The following SLC17A2 variants were observed in gnomAD, a reference collection of about 807,000 sequenced individuals.
SLC17A2 encodes the protein solute carrier family 17 member 2.
Under a neutral mutation model 52.1 loss-of-function variants are expected in SLC17A2, and 38 were observed. The observed-to-expected ratio is 0.73, with a 90% CI of 0.56 to 0.96. SLC17A2 has a LOEUF of 0.96. SLC17A2 is among the 40% of genes least tolerant of loss of function. The probability of loss-of-function intolerance (pLI) is 0.00; values close to 1 mark genes in which losing one functional copy is unlikely to be tolerated. For missense variants in SLC17A2, 508 were observed against 583.9 expected (o/e 0.87, Z 1.34); for synonymous variants, 226 against 211.9 (o/e 1.07, Z -0.58).
At chr6:25,925,510 CAA>C (rs71763063) in intron 2 of SLC17A2, among the ~76,000 whole-genome samples, 1,134 of 95,798 alleles carry the variant, frequency 0.012, 5 homozygotes, top group Middle Eastern at 0.047. Context: ...AAGACTCAGT[CAA>C]AAAAAAAAAA....
intron 1 of SLC17A2, among the ~76,000 whole-genome samples, chr6:25,926,219 G>A (rs1766758505): frequency 6.6e-6 from 1 of 152,094 alleles, no homozygotes; most frequent in African/African-American, 2.4e-5. Context: ...GGTGAAGAGT[G>A]GTATTGCTTG....
intron 2 of SLC17A2, among the ~76,000 whole-genome samples, chr6:25,924,469 C>G (rs1766679434): frequency 6.6e-6 from 1 of 151,468 alleles, no homozygotes; most frequent in Non-Finnish European, 1.5e-5. Flanking sequence ...AATGTTATTG[C>G]TATGTGTCAC....
intron 10 of SLC17A2, among the ~76,000 whole-genome samples, chr6:25,914,907 G>A (rs897564442): frequency 3.3e-5 from 5 of 151,504 alleles, no homozygotes; most frequent in African/African-American, 9.7e-5. Flanking sequence ...TCTTTACCCC[G>A]GCTGCTCAGT....
chr6:25,914,347 G>A (rs868324542), intron 11 of SLC17A2, among the ~76,000 whole-genome samples: 1 of 152,100 alleles, frequency 6.6e-6, no homozygotes, highest in African/African-American at 2.4e-5. Context: ...GAAGTCACAC[G>A]TGCTGTCTTC....
chr6:25,916,643 T>C (rs368911118), intron 8 of SLC17A2, 42 bp downstream of exon 8: 14 of 1,525,812 alleles, frequency 9.2e-6, no homozygotes, highest in Non-Finnish European at 1.1e-5. Context: ...TTTCTCCTTA[T>C]TACCATTATC....
chr6:25,923,610 T>G (rs1395661994), intron 3 of SLC17A2, 85 bp downstream of exon 3: 1 of 1,022,426 alleles, frequency 9.8e-7, no homozygotes, highest in East Asian at 2.4e-5. Context: ...AAATGTATAC[T>G]TCCATACTCC....
intron 11 of SLC17A2, among the ~76,000 whole-genome samples, chr6:25,914,081 A>G (rs1766207471): frequency 6.6e-6 from 1 of 152,084 alleles, no homozygotes; most frequent in Non-Finnish European, 1.5e-5. Flanking sequence ...CATCTTCCTC[A>G]TGAGCCTGCA....
chr6:25,917,193 T>C, intron 6 of SLC17A2, 106 bp from the exon 7 acceptor site: 1 of 775,162 alleles, frequency 1.3e-6, no homozygotes, highest in Non-Finnish European at 2.3e-6. Flanking sequence ...AATCAATTAA[T>C]GCTTATTCTA....
intron 11 of SLC17A2, 130 bp from the exon 12 acceptor site, chr6:25,913,581 A>T: frequency 2.3e-6 from 2 of 852,586 alleles, no homozygotes; most frequent in East Asian, 5.4e-5. Context: ...GTAGTTACTT[A>T]AGAAAGTTTA....
At chr6:25,922,821 T>G (rs773472579) in intron 3 of SLC17A2, among the ~76,000 whole-genome samples, 4 of 152,050 alleles carry the variant, frequency 2.6e-5, no homozygotes, top group Non-Finnish European at 4.4e-5. Flanking sequence ...AGGAAGTAAG[T>G]AAGATGTTAT....
Position 25,915,544 on chromosome 6 carries a change from A to T in SLC17A2, c.1166T>A (p.Leu389Gln). The change falls in exon 10 of 12, where the codon CTA becomes CAA. Residue 389 changes from leucine (L) to glutamine (Q), a missense_variant. Transcript: ENST00000377850. ...GTTGATGATAAACCCTGAGTCACAT[A>T]GGTTACTGGTCCCAGGAATAAGTAT... ...LLILIPGTSN[L>Q]CDSGFIINTL... 1 of 1,577,376 alleles carries T rather than the reference A, an allele frequency of 6.3e-7. No homozygotes were observed. The highest frequency in any genetic ancestry group is 8.6e-7 in the Non-Finnish European group (1 of 1,161,712).
chr6:25,925,858 T>A lies in SLC17A2; in HGVS notation c.-62A>T. On this transcript the variant is annotated 5_prime_UTR_variant, in exon 2 of 12. In the 5' UTR this introduces an upstream ATG that the reference lacks. Transcript: ENST00000377850. ...GGAGTTTCCCTGTGCCCTGAATCTC[T>A]TTTACTACGACAGTCTTTTATCTAT... The A allele has an allele frequency of 6.7e-7, 1 of 1,493,120 alleles. No homozygotes were observed. Among genetic ancestry groups the A allele is most frequent in the Non-Finnish European group, 9.3e-7 (1 of 1,069,626 alleles). The allele number at this position is 1,493,120 out of a possible 1,614,324, so 92.5% of individuals were successfully genotyped here. A position where few individuals can be genotyped will look rare whatever the true frequency, so the allele number is the denominator to read the frequency against.
At position 25,915,559 on chromosome 6, in the gene SLC17A2, G is replaced by A. The variant is rs769266804; in HGVS notation, c.1151C>T (p.Pro384Leu). The change falls in exon 10 of 12, where the codon CCT (proline) becomes CTT (leucine). Residue 384 changes from proline (P) to leucine (L), a missense_variant. By Grantham distance (98) the Pro-to-Leu change is moderately conservative. Coordinates refer to ENST00000377850, the MANE Select transcript of SLC17A2 (RefSeq NM_001286123.3). ...TGAGTCACATAGGTTACTGGTCCCAGGAATAAGTATCAGCAAAATAATGGT... is the reference window on the plus strand; with the variant it reads ...TGAGTCACATAGGTTACTGGTCCCAAGAATAAGTATCAGCAAAATAATGGT... ...VITIILLILIPGTSNLCDSGF... is the reference protein window; with the variant it reads ...VITIILLILILGTSNLCDSGF... 14 of 1,595,246 alleles carry A rather than the reference G, an allele frequency of 8.8e-6. No individual in the cohort carries two copies. Among genetic ancestry groups the A allele is most frequent in the Non-Finnish European group, 1.2e-5 (14 of 1,170,880 alleles).
chr6:25,915,177 A>ATATATG lies in SLC17A2; in HGVS notation c.1211+321_1211+322insCATATA, dbSNP rs1554137783. ...TATATATATATATATATATATATAT[A>ATATATG]TGGTAGCTAATATGAACAACACCAT... On this transcript the variant is annotated intron_variant, in intron 10 of 11. Coordinates refer to ENST00000377850, the MANE Select transcript of SLC17A2 (RefSeq NM_001286123.3). Among the ~76,000 whole-genome samples, 105 of 108,094 alleles carry ATATATG rather than the reference A, an allele frequency of 9.7e-4. 10 individuals are homozygous for ATATATG. Among genetic ancestry groups the ATATATG allele is most frequent in the Middle Eastern group, 4.3e-3 (1 of 234 alleles). 70.9% of individuals were successfully genotyped at this position (108,094 alleles called of 152,430 possible).
chr6:25,923,093 A>G (rs1042422736), intron 3 of SLC17A2, among the ~76,000 whole-genome samples: 3 of 152,128 alleles, frequency 2.0e-5, no homozygotes, highest in Admixed American at 2.0e-4. Context: ...AGGCCGAGAC[A>G]GGAAAATCTC....
At chr6:25,926,823 T>C (rs1247737090) in intron 1 of SLC17A2, among the ~76,000 whole-genome samples, 1 of 152,146 alleles carries the variant, frequency 6.6e-6, no homozygotes, top group Non-Finnish European at 1.5e-5. Flanking sequence ...TCCCAGCACT[T>C]TGGGAGACTG....
At chr6:25,929,664 T>G (rs1451409315) in intron 1 of SLC17A2, among the ~76,000 whole-genome samples, 2 of 152,128 alleles carry the variant, frequency 1.3e-5, no homozygotes, top group Admixed American at 6.5e-5. Context: ...TTCTGAGAAA[T>G]TGGTGCTGAC....
At chr6:25,929,799 T>TTTA (rs777093885) in intron 1 of SLC17A2, among the ~76,000 whole-genome samples, 1 of 152,048 alleles carries the variant, frequency 6.6e-6, no homozygotes, top group African/African-American at 2.4e-5. Flanking sequence ...CTCCTTTTCT[T>TTTA]TTATTATTAT....
intron 1 of SLC17A2, among the ~76,000 whole-genome samples, chr6:25,927,532 C>G (rs1766809424): frequency 6.6e-6 from 1 of 152,130 alleles, no homozygotes; most frequent in Admixed American, 6.5e-5. Flanking sequence ...TCTATATTTA[C>G]CAAGTGATTT....
Sources: allele counts gnomAD v4.1 joint callset (sites outside exome capture counted in the v4.1 genomes callset), GRCh38; gene constraint gnomAD v4.1.1; transcripts MANE v1.5; gene names NCBI Gene and HGNC (gene_info 2026-07-23, HGNC 2026-07-21).